The following ZNF331 variants were observed in gnomAD, a reference collection of about 807,000 sequenced individuals.
ZNF331 encodes zinc finger protein 331.
In ZNF331, 2 loss-of-function variants were observed where a neutral mutation model predicts 7.0. The observed-to-expected ratio is 0.29, with a 90% CI of 0.12 to 0.90. ZNF331 has a LOEUF of 0.90. Among genes scored for constraint, ZNF331 ranks in the 40% least tolerant of loss-of-function variants. The probability of loss-of-function intolerance (pLI) is 0.58; values close to 1 mark genes in which losing one functional copy is unlikely to be tolerated. For synonymous variants in ZNF331, 196 were observed against 205.4 expected (o/e 0.95, Z 0.39); for missense variants, 432 against 587.7 (o/e 0.74, Z 2.74).
At position 53,578,850 on chromosome 19, in the gene ZNF331, G is replaced by C. The variant is rs890971061; in HGVS notation, c.*898G>C. Reference sequence around the variant, plus strand: ...CAGAGTCTCACTCTTGCCCAGGCTGGAGTGCAGTGGCACGGTCTTGGCTCA... The same window carrying C: ...CAGAGTCTCACTCTTGCCCAGGCTGCAGTGCAGTGGCACGGTCTTGGCTCA... On this transcript the variant is annotated 3_prime_UTR_variant, in exon 6 of 6. Coordinates refer to ENST00000449416, the MANE Select transcript of ZNF331 (RefSeq NM_001079906.2). 1 of 187,802 alleles carries C rather than the reference G, an allele frequency of 5.3e-6. No homozygotes were observed. The highest frequency in any genetic ancestry group is 2.3e-5 in the African/African-American group (1 of 42,730). 11.6% of individuals were successfully genotyped at this position (187,802 alleles called of 1,614,324 possible).
At chr19:53,522,291 C>T (rs2087116481) in intron 1 of ZNF331, among the ~76,000 whole-genome samples, 1 of 146,000 alleles carries the variant, frequency 6.8e-6, no homozygotes, top group Non-Finnish European at 1.5e-5. Context: ...CTTGCTCTGT[C>T]GCCCAGGGCT....
At chr19:53,511,584 A>G in the ZNF331 span, among the ~76,000 whole-genome samples, 56,544 of 151,966 alleles carry the variant, frequency 0.37, 10,827 homozygotes, top group African/African-American at 0.47. Flanking sequence ...ATCAAACAAT[A>G]ACATGGTGGT....
At chr19:53,565,660 G>A (rs1436577106) in intron 3 of ZNF331, among the ~76,000 whole-genome samples, 1 of 151,940 alleles carries the variant, frequency 6.6e-6, no homozygotes, top group Non-Finnish European at 1.5e-5. Flanking sequence ...CCGAGTAGCT[G>A]GGATTACAGG....
chr19:53,550,120 T>C (rs2088886454), intron 2 of ZNF331, among the ~76,000 whole-genome samples: 1 of 152,254 alleles, frequency 6.6e-6, no homozygotes, highest in Admixed American at 6.5e-5. Flanking sequence ...TCAGTCATTG[T>C]AAATTTCTTA....
upstream of ZNF331, among the ~76,000 whole-genome samples, chr19:53,520,763 G>T (rs2569579): frequency 0.025 from 3,868 of 152,238 alleles, 68 homozygotes; most frequent in African/African-American, 0.048. Context: ...CAGATACGTC[G>T]ATTCCCGGGT....
intron 2 of ZNF331, among the ~76,000 whole-genome samples, chr19:53,524,107 G>A (rs1225332255): frequency 6.6e-6 from 1 of 152,162 alleles, no homozygotes; most frequent in Non-Finnish European, 1.5e-5. Flanking sequence ...CCTTTTTTAT[G>A]GCTGCATAGT....
rs1275311706 is a variant in ZNF331 at position 53,560,036 on chromosome 19, C to T, written c.-74+4128C>T. ...CACACACACCCCATACACATGCATACCTCATATATACATATACACACCTAC... is the reference window on the plus strand; with the variant it reads ...CACACACACCCCATACACATGCATATCTCATATATACATATACACACCTAC... On this transcript the variant is annotated intron_variant, in intron 3 of 5. Transcript: ENST00000449416. This position sits in a 1 kb window ranked among gnomAD's most constrained non-coding sequence, Gnocchi z 4.3. 6.0e-5 allele frequency among the ~76,000 whole-genome samples: 9 copies of T among 150,058 alleles called. No homozygotes were observed. The highest frequency in any genetic ancestry group is 2.2e-4 in the African/African-American group (9 of 40,734).
At chr19:53,569,058 G>A (rs1257741941) in intron 3 of ZNF331, among the ~76,000 whole-genome samples, 7 of 151,950 alleles carry the variant, frequency 4.6e-5, no homozygotes, top group South Asian at 4.2e-4. Context: ...GGGTTTCACC[G>A]TGTTAGCCAA....
At chr19:53,565,160 A>G (rs2090092446) in intron 3 of ZNF331, among the ~76,000 whole-genome samples, 1 of 152,194 alleles carries the variant, frequency 6.6e-6, no homozygotes, top group African/African-American at 2.4e-5. Flanking sequence ...AAGGGAAACT[A>G]AATAGAAGAA....
At chr19:53,506,420 C>G in the ZNF331 span, among the ~76,000 whole-genome samples, 3 of 84,300 alleles carry the variant, frequency 3.6e-5, no homozygotes, top group South Asian at 4.8e-4. Flanking sequence ...TCCTCTCTCT[C>G]TCTCTCTCTC....
the ZNF331 span, among the ~76,000 whole-genome samples, chr19:53,509,828 T>G: frequency 6.6e-6 from 1 of 152,324 alleles, no homozygotes. Flanking sequence ...GAAAAGAGAC[T>G]TAACTGAATC....
intron 2 of ZNF331, among the ~76,000 whole-genome samples, chr19:53,553,937 G>A (rs1311935864): frequency 6.6e-6 from 1 of 152,208 alleles, no homozygotes; most frequent in Non-Finnish European, 1.5e-5. Context: ...ACTCAGTGTG[G>A]GGCTGCCTGC....
At chr19:53,531,671 G>A (rs185566858) in intron 2 of ZNF331, among the ~76,000 whole-genome samples, 15 of 152,292 alleles carry the variant, frequency 9.8e-5, no homozygotes, top group African/African-American at 3.6e-4. Context: ...GCAAACTTCT[G>A]TGTCATCAAA....
chr19:53,568,078 A>G, intron 3 of ZNF331, among the ~76,000 whole-genome samples: 1 of 151,842 alleles, frequency 6.6e-6, no homozygotes, highest in Non-Finnish European at 1.5e-5. Flanking sequence ...GTGAAACCCC[A>G]TCTCTACTAA....
At chr19:53,575,979 G>C (rs1196339841) in intron 5 of ZNF331, among the ~76,000 whole-genome samples, 1 of 149,696 alleles carries the variant, frequency 6.7e-6, no homozygotes, top group African/African-American at 2.5e-5. Flanking sequence ...ACCGTGCCCA[G>C]TCTGTTTTTT....
At chr19:53,545,269 G>C (rs1429892063) in intron 2 of ZNF331, among the ~76,000 whole-genome samples, 1 of 152,096 alleles carries the variant, frequency 6.6e-6, no homozygotes, top group African/African-American at 2.4e-5. Flanking sequence ...GGAATTTTGA[G>C]TCAAAATTAG....
intron 2 of ZNF331, among the ~76,000 whole-genome samples, chr19:53,551,269 G>A (rs1001238371): frequency 1.6e-4 from 24 of 152,256 alleles, no homozygotes; most frequent in Admixed American, 1.4e-3. Context: ...ATTCCATCTA[G>A]AGATAATTAC....
Position 53,577,766 on chromosome 19 carries a change from G to C in ZNF331, c.1206G>C (p.Glu402Asp). Residue 402 changes from glutamate (E) to aspartate (D), a missense_variant, in exon 6 of 6, where the codon GAG (glutamate) becomes GAC (aspartate). By Grantham distance (45) the Glu-to-Asp change is conservative. This residue lies in a region of ZNF331 where 312 missense variants were observed against 448.6 expected (regional missense o/e 0.70). Coordinates refer to ENST00000449416, the MANE Select transcript of ZNF331 (RefSeq NM_001079906.2). ...ATGGATCGAGCCTCGTGAAACATGA[G>C]AGAATTCATACCGGGGTGAAACCCT... Reference protein sequence around the residue: ...FIYGSSLVKHERIHTGVKPYG... With the variant: ...FIYGSSLVKHDRIHTGVKPYG... 11 of 1,613,948 alleles carry C rather than the reference G, an allele frequency of 6.8e-6. No individual in the cohort carries two copies. The highest frequency in any genetic ancestry group is 9.3e-6 in the Non-Finnish European group (11 of 1,179,828).
At chr19:53,543,667 A>C (rs897191863) in intron 2 of ZNF331, among the ~76,000 whole-genome samples, 1 of 152,232 alleles carries the variant, frequency 6.6e-6, no homozygotes, top group Non-Finnish European at 1.5e-5. Context: ...TTCAATAATA[A>C]CAGGTAACTT....
Sources: allele counts gnomAD v4.1 joint callset (sites outside exome capture counted in the v4.1 genomes callset), GRCh38; gene constraint gnomAD v4.1.1; regional missense constraint gnomAD v4.1.1; non-coding constraint Gnocchi (gnomAD v3.1); transcripts MANE v1.5; gene names NCBI Gene and HGNC (gene_info 2026-07-23, HGNC 2026-07-21).